Variants in SRFBP1 observed in about 807,000 individuals in gnomAD.
SRFBP1 encodes the protein serum response factor-binding protein 1.
SRFBP1 carries 47 observed loss-of-function variants against 45.5 expected under a neutral mutation model. That is an observed-to-expected ratio of 1.03 (90% CI 0.82 to 1.32). SRFBP1 has a LOEUF of 1.32. Ranked by LOEUF, SRFBP1 falls within the 40% of genes most tolerant of loss-of-function variation. SRFBP1 has a pLI of 0.00. For missense variants in SRFBP1, 621 were observed against 484.6 expected (o/e 1.28, Z -2.64); for synonymous variants, 203 against 166.3 (o/e 1.22, Z -1.70).
At position 122,051,057 on chromosome 5, in the gene SRFBP1, A is replaced by G. The variant is rs1391252359; in HGVS notation, n.312-24258A>G. Among the ~76,000 whole-genome samples, 7 of 152,050 alleles carry G rather than the reference A, an allele frequency of 4.6e-5. No individual in the cohort carries two copies. The South Asian group carries it at 1.2e-3, about 27-fold the overall frequency. Reference sequence around the variant, plus strand: ...TTATTTATTTCTAGGTAATTGTATGATTTTGAGTGATTTTCTTAGTATTGA... The same window carrying G: ...TTATTTATTTCTAGGTAATTGTATGGTTTTGAGTGATTTTCTTAGTATTGA... On this transcript the variant is annotated intron_variant and non_coding_transcript_variant, in intron 2 of 2. Coordinates refer to the SRFBP1 transcript ENST00000504881.
downstream of SRFBP1, among the ~76,000 whole-genome samples, chr5:122,030,492 A>G (rs1387230542): frequency 6.6e-6 from 1 of 152,180 alleles, no homozygotes; most frequent in Non-Finnish European, 1.5e-5. Context: ...ACCAATGGTT[A>G]ACTGGAAGGC....
chr5:122,038,798 G>T (rs892629785), intron 2 of SRFBP1, among the ~76,000 whole-genome samples: 1 of 152,082 alleles, frequency 6.6e-6, no homozygotes, highest in Non-Finnish European at 1.5e-5. Context: ...CCTGTTTTTG[G>T]TGCCAAAGTA....
At chr5:121,989,367 G>T (rs1752580171) in intron 3 of SRFBP1, among the ~76,000 whole-genome samples, 1 of 151,988 alleles carries the variant, frequency 6.6e-6, no homozygotes, top group Non-Finnish European at 1.5e-5. Context: ...AGCCCTGCCT[G>T]GAATTAGTTT....
intron 4 of SRFBP1, among the ~76,000 whole-genome samples, chr5:121,999,494 T>C (rs1446511086): frequency 6.6e-6 from 1 of 152,142 alleles, no homozygotes; most frequent in East Asian, 1.9e-4. Flanking sequence ...AGATTATCCA[T>C]ATTTTTACTG....
intron 2 of SRFBP1, chr5:122,065,755 A>G (rs538599729): frequency 3.3e-5 from 5 of 152,128 alleles, no homozygotes; most frequent in East Asian, 1.9e-4. Flanking sequence ...ATGTTTTTCA[A>G]TTTTTTTAAG....
chr5:122,058,645 C>G (rs1037050219), intron 2 of SRFBP1, among the ~76,000 whole-genome samples: 1 of 151,930 alleles, frequency 6.6e-6, no homozygotes, highest in Non-Finnish European at 1.5e-5. Flanking sequence ...TCTGGGCTTT[C>G]TCACAAAAGC....
At chr5:122,007,471 A>C (rs375463071) in intron 4 of SRFBP1, among the ~76,000 whole-genome samples, 5 of 152,002 alleles carry the variant, frequency 3.3e-5, no homozygotes, top group African/African-American at 1.2e-4. Flanking sequence ...GTCTGGAGCC[A>C]CTGGGACTGG....
At chr5:122,061,258 G>A (rs1009048042) in intron 2 of SRFBP1, among the ~76,000 whole-genome samples, 1 of 151,636 alleles carries the variant, frequency 6.6e-6, no homozygotes, top group African/African-American at 2.4e-5. Context: ...CGTTAAATTT[G>A]TCTTTAGCCC....
At chr5:121,995,429 A>G (rs1483012087) in intron 4 of SRFBP1, among the ~76,000 whole-genome samples, 2 of 152,218 alleles carry the variant, frequency 1.3e-5, no homozygotes. Context: ...GTACACAACG[A>G]AATGAAGGCA....
chr5:121,978,666 A>G (rs554006198), intron 3 of SRFBP1, among the ~76,000 whole-genome samples: 22 of 152,092 alleles, frequency 1.4e-4, no homozygotes, highest in Non-Finnish European at 2.9e-4. Flanking sequence ...TAACTTTTGT[A>G]TTTTTAGTAG....
Position 122,071,819 on chromosome 5 carries a change from C to A in SRFBP1, n.312-3496C>A, listed in dbSNP as rs576427361. The stretch of plus-strand genomic sequence containing the variant: ...GTAAAATCACCTTAGCATGCTCTAC[C>A]AATGCTGGTTTAGCTGTAGCTTGAT... On this transcript the variant is annotated intron_variant and non_coding_transcript_variant, in intron 2 of 2. Transcript: ENST00000504881. Among the ~76,000 whole-genome samples the A allele has an allele frequency of 2.0e-5, 3 of 152,216 alleles. No homozygotes were observed. In the South Asian group the frequency reaches 6.2e-4, roughly 32 times the overall value.
chr5:122,047,240 G>GA (rs1220395194), intron 2 of SRFBP1, among the ~76,000 whole-genome samples: 1 of 152,136 alleles, frequency 6.6e-6, no homozygotes, highest in African/African-American at 2.4e-5. Flanking sequence ...GTAAGGAAGG[G>GA]ATCCAGTTTC....
chr5:121,962,703 G>C (rs2112806652), intron 1 of SRFBP1, among the ~76,000 whole-genome samples: 1 of 152,238 alleles, frequency 6.6e-6, no homozygotes, highest in East Asian at 1.9e-4. Flanking sequence ...ATAGTGTGCG[G>C]TGTCGACAAA....
At chr5:121,989,485 G>A (rs140528874) in intron 3 of SRFBP1, among the ~76,000 whole-genome samples, 107 of 152,268 alleles carry the variant, frequency 7.0e-4, no homozygotes, top group African/African-American at 2.3e-3. Flanking sequence ...GCACAAACTA[G>A]TTTCTTTCAC....
intron 2 of SRFBP1, among the ~76,000 whole-genome samples, chr5:122,051,308 T>G (rs1401274282): frequency 6.6e-6 from 1 of 152,120 alleles, no homozygotes; most frequent in East Asian, 1.9e-4. Context: ...CTGAATATCT[T>G]TGTTATTTTT....
intron 2 of SRFBP1, among the ~76,000 whole-genome samples, chr5:122,057,160 T>G (rs1350195787): frequency 1.3e-5 from 2 of 152,158 alleles, no homozygotes; most frequent in Non-Finnish European, 2.9e-5. Context: ...CCATGATATT[T>G]CAAGTCAACA....
At chr5:122,063,361 G>GA (rs1754217177) in intron 2 of SRFBP1, 1 of 151,850 alleles carries the variant, frequency 6.6e-6, no homozygotes, top group South Asian at 2.1e-4. Context: ...TAACATTCCT[G>GA]AAAAATTTGG....
chr5:122,042,871 T>C, intron 2 of SRFBP1, among the ~76,000 whole-genome samples: 1 of 152,224 alleles, frequency 6.6e-6, no homozygotes, highest in Non-Finnish European at 1.5e-5. Context: ...TCTTAAAATC[T>C]AAATGAATCT....
chr5:122,043,465 T>G (rs1753803070), intron 2 of SRFBP1, among the ~76,000 whole-genome samples: 1 of 152,128 alleles, frequency 6.6e-6, no homozygotes, highest in Non-Finnish European at 1.5e-5. Flanking sequence ...ATCCGCCCAC[T>G]TCAGCATCCC....
Sources: allele counts gnomAD v4.1 joint callset (sites outside exome capture counted in the v4.1 genomes callset), GRCh38; gene constraint gnomAD v4.1.1; transcripts MANE v1.5; gene names NCBI Gene and HGNC (gene_info 2026-07-23, HGNC 2026-07-21).